The following H2AC7 variants were observed in gnomAD, a reference collection of about 807,000 sequenced individuals.
The protein encoded by H2AC7 is histone H2A type 1-D.
A neutral mutation model predicts 8.3 loss-of-function variants in H2AC7; 15 were observed. That is an observed-to-expected ratio of 1.81 (90% CI 1.21 to 2.79). The LOEUF (loss-of-function observed/expected upper bound fraction) is 2.79. Ranked by LOEUF, H2AC7 falls within the 30% of genes most tolerant of loss-of-function variation. H2AC7 has a pLI of 0.00. For synonymous variants in H2AC7, 168 were observed against 80.1 expected (o/e 2.10, Z -5.86); for missense variants, 283 against 175.2 (o/e 1.62, Z -3.47).
rs1448069899 is a variant in H2AC7 at position 26,198,911 on chromosome 6, G to T, written c.333C>A (p.Asn111Lys). ...TCTTGGGGAGCAGTACAGCCTGGAT[G>T]TTGGGCAGAACACCGCCCTGAGCAA... is the stretch of plus-strand genomic sequence containing the variant. ...VTIAQGGVLPNIQAVLLPKKT... is the reference protein window; with the variant it reads ...VTIAQGGVLPKIQAVLLPKKT... The change falls in exon 1 of 1, where the codon AAC becomes AAA. Residue 111 changes from asparagine to lysine, a missense_variant. Physicochemically the swap from Asn to Lys is moderately conservative, Grantham distance 94 (BLOSUM62 0). Transcript: ENST00000341023. 1 of 1,614,244 alleles carries T rather than the reference G, an allele frequency of 6.2e-7. No individual in the cohort carries two copies. The highest frequency in any genetic ancestry group is 2.2e-5 in the East Asian group (1 of 44,892).
Position 26,198,825 on chromosome 6 carries a change from A to G in H2AC7, c.*26T>C. The G allele has an allele frequency of 6.2e-7, 1 of 1,602,212 alleles. No individual in the cohort carries two copies. Among genetic ancestry groups the G allele is most frequent in the Non-Finnish European group, 8.5e-7 (1 of 1,176,838 alleles). ...GAGCCTTTGTTAAGACTGCTTCCTT[A>G]AAAAGCCAATATAAGAGTTCTCGTT... On this transcript the variant is annotated 3_prime_UTR_variant, in exon 1 of 1. Coordinates refer to ENST00000341023, the MANE Select transcript of H2AC7 (RefSeq NM_021065.3).
chr6:26,199,268 A>G lies in H2AC7; in HGVS notation c.-25T>C, dbSNP rs546133634. 2 of 1,582,410 alleles carry G rather than the reference A, an allele frequency of 1.3e-6. No individual in the cohort carries two copies. Among genetic ancestry groups the G allele is most frequent in the Admixed American group, 4.2e-5 (2 of 48,058 alleles). On this transcript the variant is annotated 5_prime_UTR_variant, in exon 1 of 1. Coordinates refer to ENST00000341023, the MANE Select transcript of H2AC7 (RefSeq NM_021065.3). ...TTTTGAATTCTTAAAAACGATGTTA[A>G]GCAATGAAGACAAAAATGTAAAAGT...
Position 26,199,065 on chromosome 6 carries a change from G to T in H2AC7, c.179C>A (p.Thr60Asn). The T allele has an allele frequency of 1.2e-6, 2 of 1,614,210 alleles. No homozygotes were observed. The highest frequency in any genetic ancestry group is 1.7e-6 in the Non-Finnish European group (2 of 1,180,036). The change falls in exon 1 of 1, where the codon ACC becomes AAC. Residue 60 changes from threonine to asparagine, a missense_variant. Thr to Asn is a moderately conservative substitution (Grantham distance 65). Coordinates refer to ENST00000341023, the MANE Select transcript of H2AC7 (RefSeq NM_021065.3). ...VYLAAVLEYL[T>N]AEILELAGNA... The stretch of plus-strand genomic sequence containing the variant: ...GCCCGCCAGCTCCAGGATCTCGGCG[G>T]TCAGGTACTCCAACACCGCCGCCAG...
Position 26,199,220 on chromosome 6 carries a change from G to A in H2AC7, c.24C>T (p.Gly8=), listed in dbSNP as rs748398521. ...TCTTAGCCTTAGCTCGGGCCTTTCCGCCTTGCTTGCCGCGTCCGGACATTT... is the reference window on the plus strand; with the variant it reads ...TCTTAGCCTTAGCTCGGGCCTTTCCACCTTGCTTGCCGCGTCCGGACATTT... MSGRGKQ[G]GKARAKAKTR... is the part of the protein sequence containing the mutation. Residue 8 remains glycine, a synonymous_variant, in exon 1 of 1, where the codon GGC becomes GGT. Coordinates refer to ENST00000341023, the MANE Select transcript of H2AC7 (RefSeq NM_021065.3). 25 of 1,605,836 alleles carry A rather than the reference G, an allele frequency of 1.6e-5. No homozygotes were observed. In the East Asian group the frequency reaches 3.3e-4, roughly 21 times the overall value.
In H2AC7 at chr6:26,198,829, A is replaced by T. The variant is rs1765050130; in HGVS notation, c.*22T>A. 1 of 1,602,844 alleles carries T rather than the reference A, an allele frequency of 6.2e-7. No homozygotes were observed. On this transcript the variant is annotated 3_prime_UTR_variant, in exon 1 of 1. Transcript: ENST00000341023. ...CTTTGTTAAGACTGCTTCCTTAAAA[A>T]GCCAATATAAGAGTTCTCGTTTTAC... is the stretch of plus-strand genomic sequence containing the variant.
Position 26,199,119 on chromosome 6 carries a change from T to C in H2AC7, c.125A>G (p.Glu42Gly). 3.1e-6 allele frequency: 5 copies of C among 1,614,180 alleles called. No individual in the cohort carries two copies. Among genetic ancestry groups the C allele is most frequent in the African/African-American group, 1.3e-5 (1 of 75,076 alleles). ...CACTGGCGCGCCGGCCCCGACTCGCTCGGAGTAGTTGCCCTTGCGGAGCAA... is the reference window on the plus strand; with the variant it reads ...CACTGGCGCGCCGGCCCCGACTCGCCCGGAGTAGTTGCCCTTGCGGAGCAA... ...HRLLRKGNYS[E>G]RVGAGAPVYL... The change falls in exon 1 of 1, where the codon GAG (glutamate) becomes GGG (glycine). Residue 42 changes from glutamate to glycine, a missense_variant. Glu to Gly is a moderately conservative substitution (Grantham distance 98). Coordinates refer to ENST00000341023, the MANE Select transcript of H2AC7 (RefSeq NM_021065.3).
At position 26,199,228 on chromosome 6, in the gene H2AC7, T is replaced by G; in HGVS notation, c.16A>C (p.Lys6Gln). The change falls in exon 1 of 1, where the codon AAG becomes CAG. Residue 6 changes from lysine (K) to glutamine (Q), a missense_variant. Lys to Gln is a moderately conservative substitution (Grantham distance 53, BLOSUM62 1). Transcript: ENST00000341023. MSGRGKQGGKARAKAK... is the reference protein window; with the variant it reads MSGRGQQGGKARAKAK... Reference sequence around the variant, plus strand: ...TTAGCTCGGGCCTTTCCGCCTTGCTTGCCGCGTCCGGACATTTTGAATTCT... The same window carrying G: ...TTAGCTCGGGCCTTTCCGCCTTGCTGGCCGCGTCCGGACATTTTGAATTCT... The G allele has an allele frequency of 1.9e-6, 3 of 1,603,134 alleles. No homozygotes were observed. Among genetic ancestry groups the G allele is most frequent in the Non-Finnish European group, 2.5e-6 (3 of 1,177,220 alleles).
At position 26,198,842 on chromosome 6, in the gene H2AC7, G is replaced by C. The variant is rs770383182; in HGVS notation, c.*9C>G. ...GCTTCCTTAAAAAGCCAATATAAGA[G>C]TTCTCGTTTTACTTGCCCTTGGCCT... is the stretch of plus-strand genomic sequence containing the variant. On this transcript the variant is annotated 3_prime_UTR_variant, in exon 1 of 1. Coordinates refer to ENST00000341023, the MANE Select transcript of H2AC7 (RefSeq NM_021065.3). 3 of 1,611,328 alleles carry C rather than the reference G, an allele frequency of 1.9e-6. No homozygotes were observed. Among genetic ancestry groups the C allele is most frequent in the Admixed American group, 1.7e-5 (1 of 58,826 alleles).
rs773050913 is a variant in H2AC7 at position 26,199,087 on chromosome 6, C to G, written c.157G>C (p.Ala53Pro). Reference sequence around the variant, plus strand: ...GCGGTCAGGTACTCCAACACCGCCGCCAGATACACTGGCGCGCCGGCCCCG... The same window carrying G: ...GCGGTCAGGTACTCCAACACCGCCGGCAGATACACTGGCGCGCCGGCCCCG... ...RVGAGAPVYL[A>P]AVLEYLTAEI... The change falls in exon 1 of 1, where the codon GCG (alanine) becomes CCG (proline). Residue 53 changes from alanine (A) to proline (P), a missense_variant. Ala to Pro is a conservative substitution (Grantham distance 27, BLOSUM62 -1). Transcript: ENST00000341023. The G allele has an allele frequency of 6.2e-7, 1 of 1,614,058 alleles. No individual in the cohort carries two copies. The highest frequency in any genetic ancestry group is 8.5e-7 in the Non-Finnish European group (1 of 1,180,042).
In H2AC7 at chr6:26,199,176, C is replaced by G; in HGVS notation, c.68G>C (p.Gly23Ala). Residue 23 changes from glycine (G) to alanine (A), a missense_variant, in exon 1 of 1, where the codon GGA (glycine) becomes GCA (alanine). Coordinates refer to ENST00000341023, the MANE Select transcript of H2AC7 (RefSeq NM_021065.3). The part of the protein sequence containing the change: ...AKAKTRSSRA[G>A]LQFPVGRVHR... ...TACGCGGCCCACAGGGAACTGGAGT[C>G]CGGCCCGCGAAGAGCGGGTCTTAGC... The G allele has an allele frequency of 6.2e-7, 1 of 1,614,070 alleles. No individual in the cohort carries two copies. Among genetic ancestry groups the G allele is most frequent in the Non-Finnish European group, 8.5e-7 (1 of 1,179,958 alleles).
At position 26,198,808 on chromosome 6, in the gene H2AC7, G is replaced by T. The variant is rs573140623; in HGVS notation, c.*43C>A. ...ATGGGTGGCTCTGAAAAGAGCCTTT[G>T]TTAAGACTGCTTCCTTAAAAAGCCA... On this transcript the variant is annotated 3_prime_UTR_variant, in exon 1 of 1. Coordinates refer to ENST00000341023, the MANE Select transcript of H2AC7 (RefSeq NM_021065.3). 3.4e-5 allele frequency: 54 copies of T among 1,593,764 alleles called. No homozygotes were observed. In the African/African-American group the frequency reaches 6.9e-4, roughly 20 times the overall value.
At position 26,199,219 on chromosome 6, in the gene H2AC7, C is replaced by A; in HGVS notation, c.25G>T (p.Gly9Ter). 6.2e-7 allele frequency: 1 copy of A among 1,606,290 alleles called. No homozygotes were observed. The highest frequency in any genetic ancestry group is 1.3e-5 in the African/African-American group (1 of 74,518). Residue 9 changes from glycine to a stop codon, truncating the protein, a stop_gained, in exon 1 of 1, where the codon GGA (glycine) becomes TGA (stop). Transcript: ENST00000341023. LOFTEE classifies it high-confidence loss of function. MSGRGKQG[G>*]KARAKAKTRS... is the part of the protein sequence containing the mutation. ...GTCTTAGCCTTAGCTCGGGCCTTTC[C>A]GCCTTGCTTGCCGCGTCCGGACATT...
Position 26,199,014 on chromosome 6 carries a change from G to C in H2AC7, c.230C>G (p.Thr77Ser), listed in dbSNP as rs761602589. 6.2e-7 allele frequency: 1 copy of C among 1,614,160 alleles called. No homozygotes were observed. Among genetic ancestry groups the C allele is most frequent in the Non-Finnish European group, 8.5e-7 (1 of 1,180,024 alleles). Residue 77 changes from threonine to serine, a missense_variant, in exon 1 of 1, where the codon ACC (threonine) becomes AGC (serine). Physicochemically the swap from Thr to Ser is moderately conservative, Grantham distance 58. Transcript: ENST00000341023. ...AGNAARDNKK[T>S]RIIPRHLQLA... Reference sequence around the variant, plus strand: ...CTGCAGGTGTCGGGGGATGATGCGGGTCTTCTTGTTGTCGCGGGCGGCGTT... The same window carrying C: ...CTGCAGGTGTCGGGGGATGATGCGGCTCTTCTTGTTGTCGCGGGCGGCGTT...
chr6:26,199,125 T>C lies in H2AC7; in HGVS notation c.119A>G (p.Tyr40Cys). The C allele has an allele frequency of 1.9e-6, 3 of 1,614,086 alleles. No individual in the cohort carries two copies. The highest frequency in any genetic ancestry group is 1.1e-5 in the South Asian group (1 of 91,068). ...RVHRLLRKGN[Y>C]SERVGAGAPV... ...CGCGCCGGCCCCGACTCGCTCGGAGTAGTTGCCCTTGCGGAGCAAGCGGTG... is the reference window on the plus strand; with the variant it reads ...CGCGCCGGCCCCGACTCGCTCGGAGCAGTTGCCCTTGCGGAGCAAGCGGTG... Residue 40 changes from tyrosine to cysteine, a missense_variant, in exon 1 of 1, where the codon TAC becomes TGC. Transcript: ENST00000341023.
Position 26,198,784 on chromosome 6 carries a change from T to G in H2AC7, c.*67A>C. 3 of 1,476,978 alleles carry G rather than the reference T, an allele frequency of 2.0e-6. No individual in the cohort carries two copies. The highest frequency in any genetic ancestry group is 2.8e-6 in the Non-Finnish European group (3 of 1,076,554). The allele number at this position is 1,476,978 out of a possible 1,614,324, so 91.5% of individuals were successfully genotyped here. A position where few individuals can be genotyped will look rare whatever the true frequency, so the allele number is the denominator to read the frequency against. Reference sequence around the variant, plus strand: ...AATGTGAGCCCTTTTAAGGAATACATGGGTGGCTCTGAAAAGAGCCTTTGT... The same window carrying G: ...AATGTGAGCCCTTTTAAGGAATACAGGGGTGGCTCTGAAAAGAGCCTTTGT... On this transcript the variant is annotated 3_prime_UTR_variant, in exon 1 of 1. Coordinates refer to ENST00000341023, the MANE Select transcript of H2AC7 (RefSeq NM_021065.3).
In H2AC7 at chr6:26,199,251, T is replaced by A. The variant is rs1389805157; in HGVS notation, c.-8A>T. On this transcript the variant is annotated 5_prime_UTR_variant, in exon 1 of 1. Coordinates refer to ENST00000341023, the MANE Select transcript of H2AC7 (RefSeq NM_021065.3). ...CTTGCCGCGTCCGGACATTTTGAAT[T>A]CTTAAAAACGATGTTAAGCAATGAA... 2.5e-6 allele frequency: 4 copies of A among 1,591,856 alleles called. No homozygotes were observed. The African/African-American group carries it at 5.5e-5, about 22-fold the overall frequency.
In H2AC7 at chr6:26,199,224, T is replaced by G; in HGVS notation, c.20A>C (p.Gln7Pro). The G allele has an allele frequency of 6.2e-7, 1 of 1,604,114 alleles. No homozygotes were observed. Among genetic ancestry groups the G allele is most frequent in the Non-Finnish European group, 8.5e-7 (1 of 1,177,438 alleles). The change falls in exon 1 of 1, where the codon CAA becomes CCA. Residue 7 changes from glutamine to proline, a missense_variant. Coordinates refer to ENST00000341023, the MANE Select transcript of H2AC7 (RefSeq NM_021065.3). ...AGCCTTAGCTCGGGCCTTTCCGCCT[T>G]GCTTGCCGCGTCCGGACATTTTGAA... MSGRGK[Q>P]GGKARAKAKT...
chr6:26,198,795 GA>G lies in H2AC7; in HGVS notation c.*55del. ...TTTTAAGGAATACATGGGTGGCTCT[GA>G]AAAGAGCCTTTGTTAAGACTGCTTC... On this transcript the variant is annotated 3_prime_UTR_variant, in exon 1 of 1. Coordinates refer to ENST00000341023, the MANE Select transcript of H2AC7 (RefSeq NM_021065.3). The G allele has an allele frequency of 1.9e-6, 3 of 1,556,390 alleles. No individual in the cohort carries two copies. Among genetic ancestry groups the G allele is most frequent in the Non-Finnish European group, 2.6e-6 (3 of 1,144,028 alleles).
At position 26,198,907 on chromosome 6, in the gene H2AC7, G is replaced by C; in HGVS notation, c.337C>G (p.Gln113Glu). 6.2e-7 allele frequency: 1 copy of C among 1,614,240 alleles called. No homozygotes were observed. Among genetic ancestry groups the C allele is most frequent in the Non-Finnish European group, 8.5e-7 (1 of 1,180,034 alleles). ...GTCTTCTTGGGGAGCAGTACAGCCT[G>C]GATGTTGGGCAGAACACCGCCCTGA... ...IAQGGVLPNI[Q>E]AVLLPKKTES... The change falls in exon 1 of 1, where the codon CAG becomes GAG. Residue 113 changes from glutamine (Q) to glutamate (E), a missense_variant. Coordinates refer to ENST00000341023, the MANE Select transcript of H2AC7 (RefSeq NM_021065.3).
Sources: gnomAD v4.1 joint callset for allele counts on GRCh38, gnomAD v4.1.1 for gene constraint, MANE v1.5 for transcripts, NCBI Gene and HGNC (gene_info 2026-07-23, HGNC 2026-07-21) for gene names.